The following METTL15 variants were observed in gnomAD, a reference collection of about 807,000 sequenced individuals.
METTL15 encodes methyltransferase 15, mitochondrial 12S rRNA N4-cytidine, also known as 12S rRNA N(4)-cytidine methyltransferase METTL15.
A neutral mutation model predicts 38.3 loss-of-function variants in METTL15; 34 were observed. The ratio of observed to expected loss-of-function variants is 0.89; its 90% CI spans 0.68 to 1.18. The LOEUF (loss-of-function observed/expected upper bound fraction) is 1.18, where lower values mean the gene tolerates loss of function less well. Ranked by LOEUF, METTL15 falls within the 50% of genes most tolerant of loss-of-function variation. The pLI, the probability that METTL15 is intolerant of heterozygous loss-of-function variation, is 0.00. For synonymous variants in METTL15, 162 were observed against 170.9 expected, an observed-to-expected ratio of 0.95 and a Z score of 0.41; for missense variants, 438 against 498.4, an observed-to-expected ratio of 0.88 and a Z score of 1.15.
chr11:28,130,259 C>A (rs372498194), intron 3 of METTL15, among the ~76,000 whole-genome samples: 2 of 151,996 alleles, frequency 1.3e-5, no homozygotes, highest in Admixed American at 1.3e-4. Flanking sequence ...TGCAGTAAGC[C>A]GTGATCACAC....
chr11:28,307,154 A>G (rs914393863), intron 6 of METTL15, among the ~76,000 whole-genome samples: 3 of 151,934 alleles, frequency 2.0e-5, no homozygotes, highest in African/African-American at 7.2e-5. Context: ...ACTATAGAAT[A>G]GATCACCTCT....
chr11:28,530,670 G>T (rs918348621), downstream of METTL15, among the ~76,000 whole-genome samples: 25 of 151,952 alleles, frequency 1.6e-4, no homozygotes. Flanking sequence ...CTGCTACAGG[G>T]CAGCTCTAGA....
chr11:28,150,958 A>G (rs898314901), intron 3 of METTL15, among the ~76,000 whole-genome samples: 2 of 149,374 alleles, frequency 1.3e-5, no homozygotes, highest in African/African-American at 2.5e-5. Context: ...AGTTTTTGCC[A>G]TCAGATTAAG....
intron 4 of METTL15, among the ~76,000 whole-genome samples, chr11:28,288,800 C>T (rs1471371161): frequency 2.6e-5 from 4 of 151,978 alleles, no homozygotes; most frequent in Non-Finnish European, 5.9e-5. Flanking sequence ...TGCACATGTA[C>T]CCCTGAACTT....
chr11:28,196,239 A>C (rs1851904635), intron 3 of METTL15, among the ~76,000 whole-genome samples: 1 of 152,058 alleles, frequency 6.6e-6, no homozygotes. Context: ...TCTATGATGA[A>C]TAACATTAGT....
At chr11:28,490,591 A>C (rs1851486257) in intron 6 of METTL15, among the ~76,000 whole-genome samples, 2 of 152,106 alleles carry the variant, frequency 1.3e-5, no homozygotes, top group Admixed American at 1.3e-4. Context: ...TCTTGGTCTC[A>C]GTCATTTTTA....
intron 3 of METTL15, among the ~76,000 whole-genome samples, chr11:28,174,827 A>AG (rs1306800429): frequency 6.8e-6 from 1 of 146,814 alleles, no homozygotes; most frequent in Non-Finnish European, 1.5e-5. Flanking sequence ...AAAAAAAAAA[A>AG]AAACATAAAA....
At chr11:28,191,320 C>T (rs933010006) in intron 3 of METTL15, among the ~76,000 whole-genome samples, 2 of 150,316 alleles carry the variant, frequency 1.3e-5, no homozygotes, top group Non-Finnish European at 3.0e-5. Context: ...CTTGTTTTTA[C>T]AGCTTTTTGT....
intron 4 of METTL15, among the ~76,000 whole-genome samples, chr11:28,268,656 G>T (rs986792698): frequency 6.6e-6 from 1 of 152,130 alleles, no homozygotes; most frequent in Admixed American, 6.6e-5. Context: ...GCTGTGTTTT[G>T]ATTGTAAATT....
intron 3 of METTL15, among the ~76,000 whole-genome samples, chr11:28,187,005 A>G (rs1289375653): frequency 6.6e-6 from 1 of 151,246 alleles, no homozygotes; most frequent in Non-Finnish European, 1.5e-5. Context: ...ACTTCTTAAA[A>G]ATATAAAAGC....
intron 5 of METTL15, among the ~76,000 whole-genome samples, chr11:28,378,304 C>G (rs577732834): frequency 6.6e-6 from 1 of 152,166 alleles, no homozygotes; most frequent in Admixed American, 6.5e-5. Context: ...TAGCAATCAG[C>G]GATACTCCGT....
At chr11:28,349,429 AT>A (rs1223581653) in intron 3 of METTL15, among the ~76,000 whole-genome samples, 1 of 152,200 alleles carries the variant, frequency 6.6e-6, no homozygotes, top group African/African-American at 2.4e-5. Flanking sequence ...ATACTAATAT[AT>A]TGTCTAAATA....
intron 6 of METTL15, among the ~76,000 whole-genome samples, chr11:28,312,134 G>A (rs1857325558): frequency 6.6e-6 from 1 of 152,186 alleles, no homozygotes. Flanking sequence ...AGGTACACCA[G>A]TAGCTCATTA....
chr11:28,203,671 G>C lies in METTL15; in HGVS notation c.271-7391G>C, dbSNP rs1451288658. On this transcript the variant is annotated intron_variant, in intron 3 of 6. Coordinates refer to ENST00000407364, the MANE Select transcript of METTL15 (RefSeq NM_001113528.2). ...ATAAGTAAAAGGAGGGATTGGAATA[G>C]TCTGTTATGTCCCTTTGACCTGTGA... Among the ~76,000 whole-genome samples the C allele has an allele frequency of 5.3e-5, 8 of 152,018 alleles. 1 individual carries two copies. Among genetic ancestry groups the C allele is most frequent in the Admixed American group, 5.3e-4 (8 of 15,226 alleles).
At chr11:28,188,035 A>G (rs2133796753) in intron 3 of METTL15, among the ~76,000 whole-genome samples, 1 of 151,434 alleles carries the variant, frequency 6.6e-6, no homozygotes, top group South Asian at 2.1e-4. Context: ...GGTTTCCCTC[A>G]CCCCTGGCTC....
At chr11:28,366,285 T>C (rs1414546146) in intron 5 of METTL15, among the ~76,000 whole-genome samples, 2 of 152,130 alleles carry the variant, frequency 1.3e-5, no homozygotes, top group Non-Finnish European at 2.9e-5. Flanking sequence ...TGAATCCATA[T>C]GGCAGAAGAG....
chr11:28,328,013 C>T lies in METTL15; in HGVS notation c.779-2383C>T, dbSNP rs372397634. ...TTAAAAAAATTATAGCAAAAATATC[C>T]TGCAGTTCTTATTGATTTATGTGCT... is the stretch of plus-strand genomic sequence containing the variant. On this transcript the variant is annotated intron_variant, in intron 6 of 6. Transcript: ENST00000407364. The T allele has an allele frequency of 1.8e-5, 25 of 1,395,574 alleles. No individual in the cohort carries two copies. The African/African-American group carries it at 1.9e-4, about 11-fold the overall frequency. The allele number at this position is 1,395,574 out of a possible 1,614,324, so 86.4% of individuals were successfully genotyped here.
intron 6 of METTL15, among the ~76,000 whole-genome samples, chr11:28,491,796 G>T (rs937496089): frequency 6.6e-6 from 1 of 151,934 alleles, no homozygotes; most frequent in South Asian, 2.1e-4. Flanking sequence ...GTCCTATTTT[G>T]GCCCAAAATA....
intron 4 of METTL15, among the ~76,000 whole-genome samples, chr11:28,286,566 G>A (rs550967782): frequency 5.9e-5 from 9 of 151,992 alleles, no homozygotes; most frequent in Admixed American, 5.9e-4. Context: ...TTGACATAGG[G>A]GAGTACTAGG....
Sources: gnomAD v4.1 joint callset for allele counts (sites outside exome capture counted in the v4.1 genomes callset) on GRCh38, gnomAD v4.1.1 for gene constraint, MANE v1.5 for transcripts, NCBI Gene and HGNC (gene_info 2026-07-23, HGNC 2026-07-21) for gene names.